MET: variants seen among roughly 807,000 people sequenced by gnomAD.
MET encodes the protein MET proto-oncogene, receptor tyrosine kinase, also known as hepatocyte growth factor receptor.
MET carries 48 observed loss-of-function variants against 133.1 expected under a neutral mutation model. The ratio of observed to expected loss-of-function variants is 0.36; its 90% CI spans 0.29 to 0.46. The LOEUF is 0.46. Among genes scored for constraint, MET ranks in the 20% least tolerant of loss-of-function variants. MET has a pLI of 1.00. For missense variants in MET, 1,442 were observed against 1,695.9 expected, an observed-to-expected ratio of 0.85 and a Z score of 2.63; for synonymous variants, 628 against 616.5, an observed-to-expected ratio of 1.02 and a Z score of -0.28.
chr7:116,784,130 G>A (rs546223463), intron 19 of MET, among the ~76,000 whole-genome samples: 53 of 152,292 alleles, frequency 3.5e-4, no homozygotes, highest in African/African-American at 1.2e-3. Context: ...TCCAGGTGTG[G>A]CAGAAGAGCA....
At chr7:116,735,482 T>G (rs1466655581) in intron 3 of MET, among the ~76,000 whole-genome samples, 1 of 152,190 alleles carries the variant, frequency 6.6e-6, no homozygotes, top group Non-Finnish European at 1.5e-5. Context: ...TCAAATTCCT[T>G]CAGTTCCCGT....
intron 2 of MET, among the ~76,000 whole-genome samples, chr7:116,723,586 T>C (rs1219879836): frequency 3.3e-5 from 5 of 152,190 alleles, no homozygotes; most frequent in Non-Finnish European, 1.5e-5. Flanking sequence ...AGTTTTTCTG[T>C]TCTGTTTTTT....
chr7:116,730,016 A>G (rs571347127), intron 2 of MET, among the ~76,000 whole-genome samples: 11 of 152,328 alleles, frequency 7.2e-5, no homozygotes, highest in Admixed American at 1.3e-4. Flanking sequence ...TCACGCAAGC[A>G]AATGTTATGT....
At chr7:116,694,439 TAGG>T (rs990176631) in intron 1 of MET, among the ~76,000 whole-genome samples, 4 of 152,184 alleles carry the variant, frequency 2.6e-5, no homozygotes, top group African/African-American at 9.7e-5. Flanking sequence ...AAAGAAGGTG[TAGG>T]AGATTAAGGT....
chr7:116,742,897 G>A (rs533425751), intron 5 of MET, among the ~76,000 whole-genome samples: 43 of 152,210 alleles, frequency 2.8e-4, no homozygotes, highest in Non-Finnish European at 4.7e-4. Flanking sequence ...GACTGTGACA[G>A]TTAGCATTCT....
chr7:116,769,394 C>T (rs1043063898), intron 11 of MET, among the ~76,000 whole-genome samples: 2 of 152,154 alleles, frequency 1.3e-5, no homozygotes, highest in African/African-American at 2.4e-5. Flanking sequence ...AAGCAAGAAC[C>T]TCTTTCCTTT....
intron 2 of MET, among the ~76,000 whole-genome samples, chr7:116,723,075 G>C (rs1288117967): frequency 1.4e-5 from 2 of 139,622 alleles, no homozygotes; most frequent in African/African-American, 5.4e-5. Context: ...CCTGCAGAGT[G>C]TTTTCCAACT....
At chr7:116,753,009 G>A (rs901922058) in intron 5 of MET, among the ~76,000 whole-genome samples, 1 of 152,120 alleles carries the variant, frequency 6.6e-6, no homozygotes, top group Non-Finnish European at 1.5e-5. Context: ...TTTTCTAGTA[G>A]TTCTCATTTG....
intron 3 of MET, among the ~76,000 whole-genome samples, chr7:116,734,955 T>C (rs1310273754): frequency 6.6e-6 from 1 of 152,162 alleles, no homozygotes; most frequent in Non-Finnish European, 1.5e-5. Context: ...TAACAGCACT[T>C]GTATAAGGCT....
Position 116,700,135 on chromosome 7 carries a change from C to G in MET, c.1051C>G (p.Pro351Ala), listed in dbSNP as rs587782807. 7 of 1,599,320 alleles carry G rather than the reference C, an allele frequency of 4.4e-6. No homozygotes were observed. Among genetic ancestry groups the G allele is most frequent in the Non-Finnish European group, 6.0e-6 (7 of 1,173,266 alleles). ...ILFGVFAQSK[P>A]DSAEPMDRSA... ...TTTCGGGGTGTTCGCACAAAGCAAG[C>G]CAGATTCTGCCGAACCAATGGATCG... Residue 351 changes from proline to alanine, a missense_variant, in exon 2 of 21, where the codon CCA (proline) becomes GCA (alanine). Physicochemically the swap from Pro to Ala is conservative, Grantham distance 27 (BLOSUM62 -1). Coordinates refer to ENST00000397752, the MANE Select transcript of MET (RefSeq NM_000245.4).
At chr7:116,721,182 C>T (rs1792469781) in intron 2 of MET, among the ~76,000 whole-genome samples, 1 of 152,218 alleles carries the variant, frequency 6.6e-6, no homozygotes, top group Admixed American at 6.5e-5. Context: ...TTGGTCTATT[C>T]ACAGATTCTA....
chr7:116,724,146 G>A (rs560756723), intron 2 of MET: 23 of 174,358 alleles, frequency 1.3e-4, no homozygotes, highest in South Asian at 8.8e-4. Context: ...CTCCGTGGGC[G>A]TAGGACCCTC....
chr7:116,775,135 T>C (rs1352564413), intron 15 of MET, 24 bp downstream of exon 15: 1 of 1,609,592 alleles, frequency 6.2e-7, no homozygotes, highest in South Asian at 1.1e-5. Context: ...CTCAGCTTTT[T>C]GTTAAATACG....
chr7:116,729,271 T>C (rs566982278), intron 2 of MET, among the ~76,000 whole-genome samples: 21 of 152,346 alleles, frequency 1.4e-4, no homozygotes, highest in African/African-American at 5.1e-4. Flanking sequence ...AACATTAGTA[T>C]TAATTACAAG....
At chr7:116,784,211 AG>A (rs767719555) in intron 19 of MET, among the ~76,000 whole-genome samples, 17 of 152,320 alleles carry the variant, frequency 1.1e-4, no homozygotes, top group Admixed American at 8.5e-4. Flanking sequence ...GAACACAGAG[AG>A]GGAAGTTATG....
intron 1 of MET, among the ~76,000 whole-genome samples, chr7:116,691,877 C>T (rs1051901766): frequency 1.3e-5 from 2 of 152,182 alleles, no homozygotes; most frequent in African/African-American, 4.8e-5. Context: ...CGTTGAAAGG[C>T]CAGCCTGGTT....
chr7:116,725,778 C>A (rs942117211), intron 2 of MET, among the ~76,000 whole-genome samples: 7 of 150,176 alleles, frequency 4.7e-5, no homozygotes, highest in Non-Finnish European at 8.9e-5. Context: ...ACAAATATAT[C>A]TTTAAATATA....
chr7:116,793,467 G>C (rs1255445254), intron 19 of MET, among the ~76,000 whole-genome samples: 2 of 151,658 alleles, frequency 1.3e-5, no homozygotes, highest in Non-Finnish European at 2.9e-5. Flanking sequence ...GAACCACCTT[G>C]TCCCGTCCTG....
intron 1 of MET, among the ~76,000 whole-genome samples, chr7:116,677,375 A>G (rs1182235649): frequency 1.3e-5 from 2 of 152,170 alleles, no homozygotes; most frequent in Admixed American, 6.5e-5. Context: ...ATTTGCAAAC[A>G]GGTAACTTAA....
Sources: gnomAD v4.1 joint callset for allele counts (sites outside exome capture counted in the v4.1 genomes callset) on GRCh38, gnomAD v4.1.1 for gene constraint, MANE v1.5 for transcripts, NCBI Gene and HGNC (gene_info 2026-07-23, HGNC 2026-07-21) for gene names.